Variants in CCDC146 observed in about 807,000 individuals in gnomAD.
CCDC146 encodes the protein coiled-coil domain-containing protein 146.
In CCDC146, 92 loss-of-function variants were observed where a neutral mutation model predicts 119.3. The ratio of observed to expected loss-of-function variants is 0.77; its 90% CI spans 0.65 to 0.92. The LOEUF (loss-of-function observed/expected upper bound fraction) is 0.92. Among genes scored for constraint, CCDC146 ranks in the 40% least tolerant of loss-of-function variants. The pLI, the probability that CCDC146 is intolerant of heterozygous loss-of-function variation, is 0.00. For missense variants in CCDC146, 1,000 were observed against 1,103.0 expected (o/e 0.91, Z 1.32); for synonymous variants, 372 against 371.8 (o/e 1.00, Z -0.01).
intron 2 of CCDC146, chr7:77,199,524 A>G: frequency 6.2e-7 from 1 of 1,613,998 alleles, no homozygotes; most frequent in Non-Finnish European, 8.5e-7. Context: ...TCTTTAGACT[A>G]TTTACGATTT....
At chr7:77,168,279 A>G (rs1172052394) in intron 2 of CCDC146, among the ~76,000 whole-genome samples, 3 of 152,024 alleles carry the variant, frequency 2.0e-5, no homozygotes, top group East Asian at 1.9e-4. Context: ...GGGGAATATG[A>G]TGAATTATAT....
At chr7:77,155,386 C>G (rs547511970) in intron 1 of CCDC146, among the ~76,000 whole-genome samples, 1 of 152,080 alleles carries the variant, frequency 6.6e-6, no homozygotes, top group South Asian at 2.1e-4. Flanking sequence ...TAAAAGAGTC[C>G]TAGCCTTAAC....
In CCDC146 at chr7:77,274,702, A is replaced by G; in HGVS notation, c.1440+50A>G. On this transcript the variant is annotated intron_variant, in intron 11 of 18. Transcript: ENST00000285871. ...ATTGATAACTACAAGAGTTCAGGGT[A>G]GCCTCATTATAATGCCACGTGCATT... The G allele has an allele frequency of 2.0e-6, 3 of 1,466,186 alleles. 1 individual carries two copies. Among genetic ancestry groups the G allele is most frequent in the South Asian group, 2.5e-5 (2 of 79,806 alleles). 90.8% of individuals were successfully genotyped at this position (1,466,186 alleles called of 1,614,324 possible).
intron 17 of CCDC146, among the ~76,000 whole-genome samples, chr7:77,290,445 C>G (rs553320104): frequency 6.6e-6 from 1 of 152,014 alleles, no homozygotes; most frequent in East Asian, 1.9e-4. Context: ...ATGACTCCCC[C>G]CAAAGATAAG....
At chr7:77,204,222 C>T (rs1251523254) in intron 2 of CCDC146, among the ~76,000 whole-genome samples, 1 of 152,112 alleles carries the variant, frequency 6.6e-6, no homozygotes, top group East Asian at 1.9e-4. Context: ...AAAATTAAAA[C>T]ATTCACTTTT....
chr7:77,148,211 T>G (rs1033098540), intron 1 of CCDC146, among the ~76,000 whole-genome samples: 1 of 152,214 alleles, frequency 6.6e-6, no homozygotes, highest in African/African-American at 2.4e-5. Flanking sequence ...CTCTGAGCCA[T>G]GCGTGGGATA....
chr7:77,216,193 G>A (rs1342164561), intron 2 of CCDC146, among the ~76,000 whole-genome samples: 3 of 150,876 alleles, frequency 2.0e-5, no homozygotes, highest in Admixed American at 6.6e-5. Flanking sequence ...TTGTAATTTT[G>A]ACCATTATCT....
intron 2 of CCDC146, chr7:77,199,897 G>A: frequency 7.2e-7 from 1 of 1,388,586 alleles, no homozygotes; most frequent in East Asian, 2.3e-5. Flanking sequence ...GAAAGGGTGG[G>A]AGCGTTTGCA....
intron 1 of CCDC146, among the ~76,000 whole-genome samples, chr7:77,128,867 A>C (rs1790744828): frequency 6.6e-6 from 1 of 152,158 alleles, no homozygotes. Flanking sequence ...GAATGGCAGC[A>C]TAAGGCAAAA....
chr7:77,143,970 G>A (rs1175939126), intron 1 of CCDC146, among the ~76,000 whole-genome samples: 2 of 151,860 alleles, frequency 1.3e-5, no homozygotes, highest in Admixed American at 6.6e-5. Flanking sequence ...TTGGTAGCTT[G>A]ATGGGGATGG....
chr7:77,127,215 A>G (rs1288902475), intron 1 of CCDC146, among the ~76,000 whole-genome samples: 1 of 152,096 alleles, frequency 6.6e-6, no homozygotes, highest in Non-Finnish European at 1.5e-5. Flanking sequence ...TGCCTGCTCC[A>G]TGTTGTGGGA....
chr7:77,273,853 C>T, intron 10 of CCDC146, 64 bp downstream of exon 10: 2 of 1,020,230 alleles, frequency 2.0e-6, no homozygotes, highest in Non-Finnish European at 3.0e-6. Context: ...GTGCTTTTAA[C>T]TGTGCTCCAC....
intron 1 of CCDC146, among the ~76,000 whole-genome samples, chr7:77,130,403 G>A (rs1463385640): frequency 6.6e-6 from 1 of 152,066 alleles, no homozygotes; most frequent in Non-Finnish European, 1.5e-5. Flanking sequence ...AGCGTTGCAT[G>A]TAATGTACAG....
intron 1 of CCDC146, among the ~76,000 whole-genome samples, chr7:77,141,113 C>G (rs1212970185): frequency 2.6e-5 from 4 of 152,144 alleles, no homozygotes; most frequent in Non-Finnish European, 5.9e-5. Context: ...TGTTCCCCTC[C>G]CTGTGTCCCT....
At chr7:77,293,886 TC>T (rs749237431) in intron 18 of CCDC146, among the ~76,000 whole-genome samples, 1 of 152,166 alleles carries the variant, frequency 6.6e-6, no homozygotes, top group Non-Finnish European at 1.5e-5. Context: ...CCCTATTTGC[TC>T]CTGAACTCAA....
intron 1 of CCDC146, among the ~76,000 whole-genome samples, chr7:77,162,175 C>CTTTT (rs903301813): frequency 2.3e-4 from 35 of 151,830 alleles, no homozygotes; most frequent in Admixed American, 1.5e-3. Flanking sequence ...TTTATTTTTC[C>CTTTT]TTTTGTTGCC....
intron 1 of CCDC146, among the ~76,000 whole-genome samples, chr7:77,163,686 T>G (rs1791296559): frequency 6.6e-6 from 1 of 152,060 alleles, no homozygotes; most frequent in African/African-American, 2.4e-5. Flanking sequence ...TTGTCTAGGT[T>G]TTGCTTCAAA....
chr7:77,219,285 C>T (rs549287682), intron 2 of CCDC146, among the ~76,000 whole-genome samples: 2 of 152,234 alleles, frequency 1.3e-5, no homozygotes, highest in African/African-American at 2.4e-5. Context: ...TTTCCTTCTA[C>T]TTTGCTTAGG....
chr7:77,244,840 TA>T (rs913665542), intron 4 of CCDC146, among the ~76,000 whole-genome samples: 1 of 152,078 alleles, frequency 6.6e-6, no homozygotes, highest in Non-Finnish European at 1.5e-5. Context: ...CATCCCCACA[TA>T]AAAATAAAGA....
Sources: gnomAD v4.1 joint callset for allele counts (sites outside exome capture counted in the v4.1 genomes callset) on GRCh38, gnomAD v4.1.1 for gene constraint, MANE v1.5 for transcripts, NCBI Gene and HGNC (gene_info 2026-07-23, HGNC 2026-07-21) for gene names.